ARID1B: variants seen among roughly 807,000 people sequenced by gnomAD.
ARID1B encodes AT-rich interaction domain 1B.
In ARID1B, 30 loss-of-function variants were observed where a neutral mutation model predicts 212.3. That is an observed-to-expected ratio of 0.14 (90% confidence interval 0.11 to 0.19). The LOEUF (loss-of-function observed/expected upper bound fraction) is 0.19. Ranked by LOEUF, ARID1B falls within the 10% of genes least tolerant of loss-of-function variation. The pLI is 1.00. For missense variants in ARID1B, 2,891 were observed against 3,204.0 expected (o/e 0.90, Z 2.36); for synonymous variants, 1,402 against 1,301.7 (o/e 1.08, Z -1.66).
At chr6:156,841,210 C>T (rs1783877978) in intron 2 of ARID1B, among the ~76,000 whole-genome samples, 1 of 152,140 alleles carries the variant, frequency 6.6e-6, no homozygotes, top group Non-Finnish European at 1.5e-5. Flanking sequence ...CATTTTAGTT[C>T]TCTGTCGCTG....
At chr6:157,000,696 CTTTTTTTTTTT>C (rs10536002) in intron 4 of ARID1B, among the ~76,000 whole-genome samples, 3 of 99,210 alleles carry the variant, frequency 3.0e-5, no homozygotes, top group South Asian at 6.8e-4. Context: ...TCTAATTATT[CTTTTTTTTTTT>C]TTTTTTTTTG....
At chr6:157,109,182 C>T (rs1786713300) in intron 5 of ARID1B, among the ~76,000 whole-genome samples, 3 of 152,098 alleles carry the variant, frequency 2.0e-5, no homozygotes, top group African/African-American at 7.2e-5. Flanking sequence ...TGTAGAACCA[C>T]AAGAGGGTTG....
At chr6:157,047,047 C>G (rs1345607942) in intron 4 of ARID1B, among the ~76,000 whole-genome samples, 1 of 151,990 alleles carries the variant, frequency 6.6e-6, no homozygotes, top group African/African-American at 2.4e-5. Flanking sequence ...TTTAGGAACT[C>G]TATATTAGGT....
At chr6:157,096,647 G>C (rs1036327030) in intron 5 of ARID1B, among the ~76,000 whole-genome samples, 1 of 152,224 alleles carries the variant, frequency 6.6e-6, no homozygotes, top group Non-Finnish European at 1.5e-5. Context: ...GGAGAGCTTA[G>C]CCGTGCCCAG....
intron 5 of ARID1B, among the ~76,000 whole-genome samples, chr6:157,103,439 G>A (rs965314265): frequency 1.4e-4 from 21 of 152,176 alleles, no homozygotes; most frequent in Admixed American, 3.3e-4. Flanking sequence ...GTAAAAAATC[G>A]TAGAACGTGG....
chr6:156,778,572 G>T lies in ARID1B; in HGVS notation c.892G>T (p.Val298Phe). 1.6e-6 allele frequency: 2 copies of T among 1,244,438 alleles called. No homozygotes were observed. Among genetic ancestry groups the T allele is most frequent in the Non-Finnish European group, 2.0e-6 (2 of 996,578 alleles). The allele number at this position is 1,244,438 out of a possible 1,614,324, so 77.1% of individuals were successfully genotyped here. A position where few individuals can be genotyped will look rare whatever the true frequency, so the allele number is the denominator to read the frequency against. The change falls in exon 1 of 20, where the codon GTC (valine) becomes TTC (phenylalanine). Residue 298 changes from valine (V) to phenylalanine (F), a missense_variant. Val to Phe is a conservative substitution (Grantham distance 50, BLOSUM62 -1). Around this residue, in one of 7 missense-constraint regions of ARID1B, gnomAD observed 1,643 missense variants for 1,544.0 expected, o/e 1.06. Coordinates refer to ENST00000636930, the MANE Select transcript of ARID1B (RefSeq NM_001374828.1). Reference protein sequence around the residue: ...LGALGTQQPPVAVPGGGGGPA... With the variant: ...LGALGTQQPPFAVPGGGGGPA... ...CGCCCTGGGCACGCAGCAGCCGCCG[G>T]TCGCCGTGCCCGGGGGCGGCGGCGG...
At chr6:156,967,118 G>C (rs767750581) in intron 4 of ARID1B, among the ~76,000 whole-genome samples, 1 of 152,096 alleles carries the variant, frequency 6.6e-6, no homozygotes, top group South Asian at 2.1e-4. Flanking sequence ...TTAAATTGCC[G>C]TGATTAGAAA....
At chr6:156,892,097 A>G (rs1456269083) in intron 2 of ARID1B, among the ~76,000 whole-genome samples, 1 of 138,172 alleles carries the variant, frequency 7.2e-6, no homozygotes, top group Non-Finnish European at 1.5e-5. Context: ...ACGGGGTTTC[A>G]CCATGTTGGC....
chr6:157,016,196 C>T (rs557488665), intron 4 of ARID1B, among the ~76,000 whole-genome samples: 63 of 152,206 alleles, frequency 4.1e-4, no homozygotes, highest in African/African-American at 1.4e-3. Context: ...GCTGTATTTT[C>T]ACGTCAATAA....
intron 4 of ARID1B, among the ~76,000 whole-genome samples, chr6:156,995,734 G>A (rs1428309116): frequency 6.6e-6 from 1 of 152,178 alleles, no homozygotes; most frequent in African/African-American, 2.4e-5. Context: ...CAGATGAGAT[G>A]GAGAATCTGC....
chr6:156,856,447 T>A (rs2128118400), intron 2 of ARID1B, among the ~76,000 whole-genome samples: 1 of 152,272 alleles, frequency 6.6e-6, no homozygotes, highest in African/African-American at 2.4e-5. Flanking sequence ...ATTAACTCAT[T>A]TTACAGATGA....
At chr6:157,085,108 A>G (rs181321422) in intron 5 of ARID1B, among the ~76,000 whole-genome samples, 2 of 152,318 alleles carry the variant, frequency 1.3e-5, no homozygotes, top group African/African-American at 4.8e-5. Context: ...TAATAAAATG[A>G]CCAATTACTT....
At chr6:157,053,597 A>G (rs771924980) in intron 4 of ARID1B, among the ~76,000 whole-genome samples, 5 of 152,232 alleles carry the variant, frequency 3.3e-5, no homozygotes, top group Non-Finnish European at 7.3e-5. Context: ...AATTTTGGCT[A>G]TAATTATTAT....
rs1001950117 is a variant in ARID1B, at chr6:157,094,080, G to A, written c.2491+9175G>A. ...CTTTAGATAGCAGTGGCTAGTTAGG[G>A]CAGGTGTCTCTCTTAGAAGCTGATA... On this transcript the variant is annotated intron_variant, in intron 5 of 19. Coordinates refer to ENST00000636930, the MANE Select transcript of ARID1B (RefSeq NM_001374828.1). This position sits in a 1 kb window ranked among gnomAD's most constrained non-coding sequence, Gnocchi z 4.3. Among the ~76,000 whole-genome samples the A allele has an allele frequency of 6.6e-6, 1 of 152,196 alleles. No individual in the cohort carries two copies. The highest frequency in any genetic ancestry group is 2.1e-4 in the South Asian group (1 of 4,826).
At chr6:157,010,706 A>T (rs1279031805) in intron 4 of ARID1B, among the ~76,000 whole-genome samples, 3 of 150,736 alleles carry the variant, frequency 2.0e-5, no homozygotes, top group Non-Finnish European at 1.5e-5. Flanking sequence ...TTTTCAGTTT[A>T]GGCAAAGCAA....
chr6:156,848,215 T>A (rs1225412222), intron 2 of ARID1B, among the ~76,000 whole-genome samples: 1 of 152,234 alleles, frequency 6.6e-6, no homozygotes, highest in Non-Finnish European at 1.5e-5. Flanking sequence ...CAGCCTTCAG[T>A]TGTACTGTTG....
intron 4 of ARID1B, among the ~76,000 whole-genome samples, chr6:157,050,705 T>TC (rs1388381470): frequency 6.6e-6 from 1 of 152,212 alleles, no homozygotes; most frequent in African/African-American, 2.4e-5. Flanking sequence ...TGTTTTACCT[T>TC]CATATGAGCC....
chr6:157,036,768 G>A, intron 4 of ARID1B: 1 of 483,432 alleles, frequency 2.1e-6, no homozygotes, highest in Admixed American at 2.3e-5. Flanking sequence ...CCTGTGTCTG[G>A]TTTCTGTGGC....
chr6:156,983,060 A>T (rs1349592664), intron 4 of ARID1B, among the ~76,000 whole-genome samples: 1 of 150,510 alleles, frequency 6.6e-6, no homozygotes, highest in African/African-American at 2.5e-5. Flanking sequence ...GCACAACTGC[A>T]CTCCAGTCCG....
Sources: gnomAD v4.1 joint callset for allele counts (sites outside exome capture counted in the v4.1 genomes callset) on GRCh38, gnomAD v4.1.1 for gene constraint, gnomAD v4.1.1 regional missense constraint, Gnocchi (gnomAD v3.1) non-coding constraint, MANE v1.5 for transcripts, NCBI Gene and HGNC (gene_info 2026-07-23, HGNC 2026-07-21) for gene names.